Variants in METTL15 observed in about 807,000 individuals in gnomAD.
METTL15 encodes 12S rRNA N(4)-cytidine methyltransferase METTL15.
A neutral mutation model predicts 38.3 loss-of-function variants in METTL15; 34 were observed. That is an observed-to-expected ratio of 0.89 (90% CI 0.68 to 1.18). METTL15 has a LOEUF of 1.18. Ranked by LOEUF, METTL15 falls within the 50% of genes most tolerant of loss-of-function variation. METTL15 has a pLI of 0.00. For synonymous variants in METTL15, 162 were observed against 170.9 expected, an observed-to-expected ratio of 0.95 and a Z score of 0.41; for missense variants, 438 against 498.4, an observed-to-expected ratio of 0.88 and a Z score of 1.15.
intron 5 of METTL15, among the ~76,000 whole-genome samples, chr11:28,388,954 A>G (rs1470962751): frequency 2.0e-5 from 3 of 151,996 alleles, no homozygotes; most frequent in African/African-American, 4.8e-5. Flanking sequence ...TCCTTGTGAT[A>G]GTTTGCTGAG....
intron 5 of METTL15, among the ~76,000 whole-genome samples, chr11:28,420,562 G>A (rs1850810472): frequency 6.6e-6 from 1 of 151,958 alleles, no homozygotes; most frequent in South Asian, 2.1e-4. Flanking sequence ...TCAATAATGA[G>A]GAATTCTGGA....
intron 3 of METTL15, among the ~76,000 whole-genome samples, chr11:28,175,396 T>C (rs886094160): frequency 1.5e-4 from 23 of 152,312 alleles, no homozygotes; most frequent in African/African-American, 5.1e-4. Context: ...TGAATAGTGC[T>C]GTAATAAACA....
chr11:28,244,281 T>G (rs1258996697), intron 4 of METTL15, among the ~76,000 whole-genome samples: 1 of 152,204 alleles, frequency 6.6e-6, no homozygotes. Context: ...TAATTGTTAT[T>G]CTTTAATCTC....
intron 6 of METTL15, among the ~76,000 whole-genome samples, chr11:28,449,962 A>G (rs1851106768): frequency 6.6e-6 from 1 of 152,218 alleles, no homozygotes. Context: ...TATACCACCC[A>G]GTTAAGACTT....
intron 4 of METTL15, among the ~76,000 whole-genome samples, chr11:28,251,759 C>A (rs1412559847): frequency 3.3e-5 from 5 of 152,000 alleles, no homozygotes; most frequent in Admixed American, 6.6e-5. Context: ...CTCTGGTCAT[C>A]ATTTCCTGTA....
Position 28,331,016 on chromosome 11 carries a change from T to C in METTL15, c.*175T>C. 1 of 499,924 alleles carries C rather than the reference T, an allele frequency of 2.0e-6. No individual in the cohort carries two copies. The highest frequency in any genetic ancestry group is 5.2e-4 in the Middle Eastern group (1 of 1,932). The allele number at this position is 499,924 out of a possible 1,614,324, so 31.0% of individuals were successfully genotyped here. ...TGTAGGAAATACATGACAGAGAAAG[T>C]TACACTCAGGGAGCAGCAGCACCTC... On this transcript the variant is annotated 3_prime_UTR_variant, in exon 7 of 7. Coordinates refer to ENST00000407364, the MANE Select transcript of METTL15 (RefSeq NM_001113528.2).
chr11:28,279,075 C>T (rs1193713808), intron 4 of METTL15, among the ~76,000 whole-genome samples: 1 of 152,202 alleles, frequency 6.6e-6, no homozygotes, highest in Non-Finnish European at 1.5e-5. Flanking sequence ...AATGCTTCTG[C>T]CTCGGCCTCC....
At chr11:28,405,859 C>T (rs780977072) in intron 5 of METTL15, among the ~76,000 whole-genome samples, 49 of 152,036 alleles carry the variant, frequency 3.2e-4, no homozygotes, top group Non-Finnish European at 6.2e-4. Context: ...CTCTCATATT[C>T]AATTATGAAA....
At chr11:28,238,204 C>A (rs1219676639) in intron 4 of METTL15, among the ~76,000 whole-genome samples, 2 of 152,206 alleles carry the variant, frequency 1.3e-5, no homozygotes, top group Non-Finnish European at 2.9e-5. Flanking sequence ...GCCCTGCCCC[C>A]AGAGGTGGAG....
At chr11:28,306,800 G>A (rs892879198) in intron 6 of METTL15, among the ~76,000 whole-genome samples, 2 of 151,810 alleles carry the variant, frequency 1.3e-5, no homozygotes, top group Admixed American at 6.6e-5. Flanking sequence ...GGACTGAGAG[G>A]GTAATAATGG....
intron 6 of METTL15, among the ~76,000 whole-genome samples, chr11:28,322,678 G>C (rs977458830): frequency 6.6e-6 from 1 of 152,112 alleles, no homozygotes; most frequent in Non-Finnish European, 1.5e-5. Context: ...TTCACATACA[G>C]TTGCAAATAT....
rs112253398 is a variant in METTL15 at position 28,296,079 on chromosome 11, C to A, written c.600-674C>A. On this transcript the variant is annotated intron_variant, in intron 5 of 6. Transcript: ENST00000407364. ...GAGGTTGGTATTTTTTATTCCTCCT[C>A]CATCTAAAATTACTATCTAGACTTG... 8.1e-4 allele frequency among the ~76,000 whole-genome samples: 124 copies of A among 152,198 alleles called. 1 individual carries two copies. In the Middle Eastern group the frequency reaches 0.014, roughly 17 times the overall value.
intron 5 of METTL15, among the ~76,000 whole-genome samples, chr11:28,415,127 A>C (rs1399876517): frequency 6.6e-6 from 1 of 152,232 alleles, no homozygotes; most frequent in Non-Finnish European, 1.5e-5. Context: ...TAGGGTGAGT[A>C]TGACATAATA....
At chr11:28,275,165 A>C (rs368947008) in intron 4 of METTL15, among the ~76,000 whole-genome samples, 2 of 151,810 alleles carry the variant, frequency 1.3e-5, no homozygotes, top group Middle Eastern at 6.8e-3. Context: ...TAAAGGATCA[A>C]TGAAACAAAA....
At chr11:28,357,945 T>C (rs756690205) in intron 4 of METTL15, among the ~76,000 whole-genome samples, 9 of 152,130 alleles carry the variant, frequency 5.9e-5, no homozygotes, top group Non-Finnish European at 1.2e-4. Context: ...ACCTTTTCTC[T>C]ATCTAGTGTT....
chr11:28,387,618 A>G (rs1364568449), intron 5 of METTL15, among the ~76,000 whole-genome samples: 1 of 152,074 alleles, frequency 6.6e-6, no homozygotes, highest in Non-Finnish European at 1.5e-5. Context: ...AAAACATTTA[A>G]AGAAAAATTA....
chr11:28,362,566 T>C (rs1850149075), intron 5 of METTL15, among the ~76,000 whole-genome samples: 1 of 152,200 alleles, frequency 6.6e-6, no homozygotes. Context: ...TAGCTCCCAC[T>C]TATAAGTGAC....
chr11:28,197,431 C>CT, intron 3 of METTL15: 1 of 341,768 alleles, frequency 2.9e-6, no homozygotes, highest in Non-Finnish European at 6.2e-6. Context: ...TATGACACTA[C>CT]TTTTTTCAGA....
intron 5 of METTL15, among the ~76,000 whole-genome samples, chr11:28,417,016 C>G (rs4433557): frequency 0.41 from 61,778 of 152,020 alleles, 14,316 homozygotes; most frequent in Admixed American, 0.53. Flanking sequence ...CCCACCCATG[C>G]CTTCTGTAAT....
Sources: gnomAD v4.1 joint callset for allele counts (sites outside exome capture counted in the v4.1 genomes callset) on GRCh38, gnomAD v4.1.1 for gene constraint, MANE v1.5 for transcripts, NCBI Gene and HGNC (gene_info 2026-07-23, HGNC 2026-07-21) for gene names.